The following SLC4A7 variants were observed in gnomAD, a reference collection of about 807,000 sequenced individuals.
The protein encoded by SLC4A7 is solute carrier family 4 member 7.
A neutral mutation model predicts 137.6 loss-of-function variants in SLC4A7; 51 were observed. The observed-to-expected ratio is 0.37, with a 90% CI of 0.30 to 0.47. The LOEUF is 0.47. SLC4A7 is among the 20% of genes least tolerant of loss of function. SLC4A7 has a pLI of 1.00. For synonymous variants in SLC4A7, 542 were observed against 518.6 expected (o/e 1.05, Z -0.61); for missense variants, 1,247 against 1,525.4 (o/e 0.82, Z 3.04).
intron 1 of SLC4A7, among the ~76,000 whole-genome samples, chr3:27,481,651 T>G (rs1456903445): frequency 6.6e-6 from 1 of 152,240 alleles, no homozygotes; most frequent in Non-Finnish European, 1.5e-5. Context: ...CCCATTCTAT[T>G]CGTAGACTAT....
chr3:27,409,671 A>G (rs1159487857), intron 12 of SLC4A7, 141 bp from the exon 13 acceptor site: 2 of 588,506 alleles, frequency 3.4e-6, no homozygotes, highest in Non-Finnish European at 3.0e-6. Context: ...CTTATAAATT[A>G]CAGAAGATAC....
chr3:27,398,482 GA>G, intron 16 of SLC4A7, 129 bp from the exon 17 acceptor site: 2 of 697,546 alleles, frequency 2.9e-6, no homozygotes, highest in South Asian at 3.1e-5. Flanking sequence ...TCCTTATAAA[GA>G]AAAAACATTG....
intron 8 of SLC4A7, 99 bp from the exon 9 acceptor site, chr3:27,421,878 T>C (rs2055014982): frequency 1.3e-6 from 1 of 798,200 alleles, no homozygotes; most frequent in Admixed American, 2.8e-5. Flanking sequence ...TACTATTTGC[T>C]AATCAAAACT....
intron 11 of SLC4A7, among the ~76,000 whole-genome samples, 191 bp downstream of exon 11, chr3:27,418,295 T>C (rs1239139416): frequency 6.6e-6 from 1 of 152,034 alleles, no homozygotes; most frequent in Non-Finnish European, 1.5e-5. Flanking sequence ...AAGTACTGAA[T>C]GAAAAATGAA....
At chr3:27,449,290 A>G (rs1200170576) in intron 2 of SLC4A7, among the ~76,000 whole-genome samples, 1 of 151,498 alleles carries the variant, frequency 6.6e-6, no homozygotes, top group African/African-American at 2.4e-5. Flanking sequence ...ATGGCCAACC[A>G]TAGTTAGTAG....
At chr3:27,441,655 A>AT in intron 3 of SLC4A7, among the ~76,000 whole-genome samples, 1 of 151,832 alleles carries the variant, frequency 6.6e-6, no homozygotes. Context: ...TACCCAGGTA[A>AT]TTTTTTATTT....
rs937575294 is a variant in SLC4A7 at position 27,373,989 on chromosome 3, C to T, written c.*2775G>A. On this transcript the variant is annotated 3_prime_UTR_variant, in exon 26 of 26. Transcript: ENST00000454389. ...CAAACATACACACACTTTAGAAAGA[C>T]TGTGTGCTTGGCTTCGGCATATTTA... 1 of 152,440 alleles carries T rather than the reference C, an allele frequency of 6.6e-6. No homozygotes were observed. Among genetic ancestry groups the T allele is most frequent in the African/African-American group, 2.4e-5 (1 of 41,438 alleles). The allele number at this position is 152,440 out of a possible 1,614,324, so 9.4% of individuals were successfully genotyped here.
intron 3 of SLC4A7, 141 bp downstream of exon 3, chr3:27,448,510 C>A: frequency 1.9e-6 from 1 of 529,438 alleles, no homozygotes. Context: ...AATTGATATT[C>A]CCCAATACAA....
At chr3:27,455,819 C>T (rs11129287) in intron 1 of SLC4A7, among the ~76,000 whole-genome samples, 55,630 of 151,492 alleles carry the variant, frequency 0.37, 10,514 homozygotes, top group South Asian at 0.45. Flanking sequence ...AGAGCGCCAC[C>T]GCACTCTAGC....
intron 1 of SLC4A7, among the ~76,000 whole-genome samples, chr3:27,454,883 T>A (rs945620919): frequency 6.6e-6 from 1 of 152,134 alleles, no homozygotes; most frequent in Admixed American, 6.6e-5. Flanking sequence ...AAAAACAGCT[T>A]AAGTTATATA....
rs180732509 is a variant in SLC4A7 at position 27,407,017 on chromosome 3, T to C, written c.1942-2054A>G. On this transcript the variant is annotated intron_variant, in intron 13 of 25. Transcript: ENST00000454389. The stretch of plus-strand genomic sequence containing the variant: ...CATTGAGACATGAAGCAAGGAGATG[T>C]CAAAAAAGACATTAACACAGGCAAA... Among the ~76,000 whole-genome samples the C allele has an allele frequency of 2.0e-5, 3 of 151,050 alleles. No homozygotes were observed. In the East Asian group the frequency reaches 5.8e-4, roughly 29 times the overall value.
rs567446917 is a variant in SLC4A7 at position 27,388,354 on chromosome 3, TGTCA to T, written c.3360+1573_3360+1576del. Among the ~76,000 whole-genome samples the T allele has an allele frequency of 2.4e-3, 370 of 152,316 alleles. 2 individuals are homozygous for T. The highest frequency in any genetic ancestry group is 8.5e-3 in the African/African-American group (353 of 41,582). On this transcript the variant is annotated intron_variant, in intron 22 of 25. Transcript: ENST00000454389. ...TAATTAGCCTTGGGTATTAATAACTTGTCAGTGTTTTTTGAGAAAAATTGCATAG... is the reference window on the plus strand; with the variant it reads ...TAATTAGCCTTGGGTATTAATAACTTGTGTTTTTTGAGAAAAATTGCATAG...
chr3:27,383,144 A>C lies in SLC4A7; in HGVS notation c.3590+9T>G. On this transcript the variant is annotated intron_variant, in intron 24 of 25. Transcript: ENST00000454389. Reference sequence around the variant, plus strand: ...TATAAAAGTTTTAGAGCATAAAGTCATATCTCACCTATATTTTAGGGCCTT... The same window carrying C: ...TATAAAAGTTTTAGAGCATAAAGTCCTATCTCACCTATATTTTAGGGCCTT... The C allele has an allele frequency of 6.4e-7, 1 of 1,552,362 alleles. No homozygotes were observed. The highest frequency in any genetic ancestry group is 8.9e-7 in the Non-Finnish European group (1 of 1,124,894).
At chr3:27,381,900 C>T (rs2050456814) in intron 24 of SLC4A7, among the ~76,000 whole-genome samples, 1 of 151,986 alleles carries the variant, frequency 6.6e-6, no homozygotes, top group Non-Finnish European at 1.5e-5. Flanking sequence ...ACCATTGTGG[C>T]CAACATGGTG....
chr3:27,444,005 T>C (rs1279328688), intron 3 of SLC4A7, among the ~76,000 whole-genome samples: 2 of 152,238 alleles, frequency 1.3e-5, no homozygotes, highest in East Asian at 1.9e-4. Context: ...AATATGATCT[T>C]GGTAAATATT....
At chr3:27,425,087 T>G (rs948112360) in intron 7 of SLC4A7, among the ~76,000 whole-genome samples, 2 of 152,104 alleles carry the variant, frequency 1.3e-5, no homozygotes, top group Admixed American at 6.6e-5. Flanking sequence ...AATTTCAAAT[T>G]CAGCCGGGTG....
intron 13 of SLC4A7, among the ~76,000 whole-genome samples, chr3:27,406,827 G>C: frequency 6.6e-6 from 1 of 152,070 alleles, no homozygotes; most frequent in Non-Finnish European, 1.5e-5. Flanking sequence ...AGCTACTCCG[G>C]AGGTTATGAG....
chr3:27,443,378 A>G (rs2057368042), intron 3 of SLC4A7, among the ~76,000 whole-genome samples: 1 of 151,902 alleles, frequency 6.6e-6, no homozygotes, highest in South Asian at 2.1e-4. Flanking sequence ...AAATTTTCTA[A>G]TACTGGTGAT....
intron 19 of SLC4A7, 42 bp downstream of exon 19, chr3:27,394,912 C>T (rs1457661247): frequency 6.4e-7 from 1 of 1,558,468 alleles, no homozygotes; most frequent in Admixed American, 2.0e-5. Flanking sequence ...CAGCTCAAAC[C>T]CTTGAAGAAT....
Sources: gnomAD v4.1 joint callset for allele counts (sites outside exome capture counted in the v4.1 genomes callset) on GRCh38, gnomAD v4.1.1 for gene constraint, MANE v1.5 for transcripts, NCBI Gene and HGNC (gene_info 2026-07-23, HGNC 2026-07-21) for gene names.